The following DCAF8L2 variants were observed in gnomAD, a reference collection of about 807,000 sequenced individuals.
DCAF8L2 encodes DDB1- and CUL4-associated factor 8-like protein 2.
For synonymous variants in DCAF8L2, 200 were observed against 190.9 expected (o/e 1.05, Z -0.39); for missense variants, 430 against 490.7 (o/e 0.88, Z 1.17).
chrX:27,587,986 ATATATAT>A (rs200109298), upstream of DCAF8L2, among the ~76,000 whole-genome samples: 12,343 of 51,689 alleles, frequency 0.24, 718 homozygotes, highest in South Asian at 0.38. Flanking sequence ...AAAAAAAAAA[ATATATAT>A]ATATATATAT....
the DCAF8L2 span, chrX:27,519,706 C>G: frequency 1.7e-6 from 1 of 577,215 alleles, no homozygotes; most frequent in Non-Finnish European, 3.1e-6. Flanking sequence ...GAAAAATGCG[C>G]GTGTTAAGAA....
intron 1 of DCAF8L2, among the ~76,000 whole-genome samples, chrX:27,628,035 T>A (rs1157790317): frequency 9.0e-6 from 1 of 111,507 alleles, no homozygotes; most frequent in African/African-American, 3.3e-5. Flanking sequence ...ACAGCAGATC[T>A]CTAGAACTTA....
the DCAF8L2 span, among the ~76,000 whole-genome samples, chrX:27,581,863 C>T: frequency 1.8e-5 from 2 of 112,146 alleles, no homozygotes; most frequent in African/African-American, 3.2e-5. Context: ...GGATTACAGG[C>T]GTGAGCCGCT....
intron 2 of DCAF8L2, among the ~76,000 whole-genome samples, chrX:27,656,190 A>T (rs984360158): frequency 1.8e-5 from 2 of 112,270 alleles, no homozygotes. Flanking sequence ...TGTTTATTAT[A>T]GGATTCTATT....
chrX:27,533,301 G>A, the DCAF8L2 span, among the ~76,000 whole-genome samples: 1 of 108,931 alleles, frequency 9.2e-6, no homozygotes, highest in Non-Finnish European at 1.9e-5. Context: ...AGCTACTCGG[G>A]AGCCTGGGGC....
the DCAF8L2 span, among the ~76,000 whole-genome samples, chrX:27,559,326 C>T: frequency 1.8e-5 from 2 of 111,566 alleles, no homozygotes; most frequent in South Asian, 3.8e-4. Flanking sequence ...AACCCTTGAA[C>T]AAGGATTGCT....
the DCAF8L2 span, among the ~76,000 whole-genome samples, chrX:27,542,064 T>C: frequency 4.1e-5 from 3 of 72,549 alleles, no homozygotes; most frequent in Non-Finnish European, 7.8e-5. Flanking sequence ...CCATAGTACA[T>C]ATGTACCAGA....
the DCAF8L2 span, among the ~76,000 whole-genome samples, chrX:27,584,602 T>A: frequency 9.0e-6 from 1 of 111,212 alleles, no homozygotes; most frequent in Admixed American, 9.7e-5. Context: ...ACACTAGTAA[T>A]CTTTAGAATT....
intron 2 of DCAF8L2, chrX:27,633,887 A>G (rs1370763235): frequency 8.9e-6 from 1 of 111,797 alleles, no homozygotes; most frequent in African/African-American, 3.3e-5. Context: ...TGTTAAAATT[A>G]GCATATTTTT....
At chrX:27,735,401 G>C (rs1005479147) in intron 4 of DCAF8L2, among the ~76,000 whole-genome samples, 3 of 111,928 alleles carry the variant, frequency 2.7e-5, no homozygotes, top group Non-Finnish European at 5.6e-5. Flanking sequence ...TACTCTCTTG[G>C]AAACATAAAG....
At chrX:27,719,222 G>C (rs187458646) in intron 4 of DCAF8L2, among the ~76,000 whole-genome samples, 12 of 110,789 alleles carry the variant, frequency 1.1e-4, no homozygotes, top group South Asian at 7.6e-4. Context: ...CAAACCTAGT[G>C]TTTTCCATTT....
the DCAF8L2 span, among the ~76,000 whole-genome samples, chrX:27,561,206 T>C: frequency 1.8e-5 from 2 of 111,859 alleles, no homozygotes; most frequent in African/African-American, 6.5e-5. Flanking sequence ...TGTGTGTCTT[T>C]CCAAGTCTTC....
At chrX:27,732,350 T>C (rs971195001) in intron 4 of DCAF8L2, among the ~76,000 whole-genome samples, 1 of 111,338 alleles carries the variant, frequency 9.0e-6, no homozygotes, top group African/African-American at 3.3e-5. Context: ...TTTTAGATTC[T>C]GCATATCCAC....
At chrX:27,485,694 A>G in the DCAF8L2 span, among the ~76,000 whole-genome samples, 19 of 111,207 alleles carry the variant, frequency 1.7e-4, no homozygotes, top group Non-Finnish European at 3.2e-4. Flanking sequence ...GCAATGTTAA[A>G]TCATAATTAT....
At chrX:27,528,991 AC>A in the DCAF8L2 span, among the ~76,000 whole-genome samples, 1 of 111,477 alleles carries the variant, frequency 9.0e-6, no homozygotes, top group Non-Finnish European at 1.9e-5. Context: ...ATGAAATATA[AC>A]AGTGACATGT....
the DCAF8L2 span, among the ~76,000 whole-genome samples, chrX:27,497,847 G>A: frequency 0.023 from 2,578 of 111,961 alleles, 86 homozygotes; most frequent in African/African-American, 0.079. Context: ...GATTACAGGC[G>A]TGAGCCACCG....
chrX:27,602,729 T>C (rs1335627866), intron 1 of DCAF8L2, among the ~76,000 whole-genome samples: 1 of 111,961 alleles, frequency 8.9e-6, no homozygotes, highest in African/African-American at 3.2e-5. Context: ...GCTAGTTGTG[T>C]TGTTATGACT....
chrX:27,621,573 CA>C (rs1172329824), intron 1 of DCAF8L2, among the ~76,000 whole-genome samples: 2 of 111,469 alleles, frequency 1.8e-5, no homozygotes, highest in Non-Finnish European at 3.8e-5. Flanking sequence ...TAGTAATCAA[CA>C]AAATGCAGAT....
At chrX:27,556,226 T>C in the DCAF8L2 span, among the ~76,000 whole-genome samples, 1 of 111,309 alleles carries the variant, frequency 9.0e-6, no homozygotes, top group Admixed American at 9.6e-5. Flanking sequence ...TTAATAATTA[T>C]TTATATTAAA....
Sources: gnomAD v4.1 joint callset for allele counts (sites outside exome capture counted in the v4.1 genomes callset) on GRCh38, gnomAD v4.1.1 for gene constraint, MANE v1.5 for transcripts, NCBI Gene and HGNC (gene_info 2026-07-23, HGNC 2026-07-21) for gene names.